Variants in GULP1 observed in about 807,000 individuals in gnomAD.
The protein encoded by GULP1 is GULP PTB domain containing engulfment adaptor 1, also known as PTB domain-containing engulfment adapter protein 1.
GULP1 carries 19 observed loss-of-function variants against 40.9 expected under a neutral mutation model. That is an observed-to-expected ratio of 0.46 (90% CI 0.32 to 0.68). GULP1 has a LOEUF of 0.68. Ranked by LOEUF, GULP1 falls within the 30% of genes least tolerant of loss-of-function variation. GULP1 has a pLI of 0.03. For synonymous variants in GULP1, 119 were observed against 117.6 expected (o/e 1.01, Z -0.08); for missense variants, 312 against 362.2 (o/e 0.86, Z 1.12).
chr2:188,571,350 A>T (rs1020638291), intron 9 of GULP1, among the ~76,000 whole-genome samples: 1 of 152,128 alleles, frequency 6.6e-6, no homozygotes, highest in African/African-American at 2.4e-5. Flanking sequence ...TAGAAGTTTC[A>T]TTTAGGGTTT....
chr2:188,321,427 A>G (rs2039963540), intron 1 of GULP1, among the ~76,000 whole-genome samples: 1 of 152,140 alleles, frequency 6.6e-6, no homozygotes, highest in Admixed American at 6.6e-5. Flanking sequence ...TACTGAGTCT[A>G]ATACAATAGA....
chr2:188,310,572 T>C (rs2037917729), intron 1 of GULP1, among the ~76,000 whole-genome samples: 2 of 152,182 alleles, frequency 1.3e-5, no homozygotes. Context: ...AGAATTCTTC[T>C]TTGTATTTTT....
intron 5 of GULP1, among the ~76,000 whole-genome samples, chr2:188,523,557 CTT>C (rs10707119): frequency 7.0e-4 from 106 of 150,932 alleles, no homozygotes; most frequent in African/African-American, 1.3e-3. Flanking sequence ...ATTATCACTA[CTT>C]TTTTTTTTTA....
intron 2 of GULP1, among the ~76,000 whole-genome samples, chr2:188,430,184 AAC>A (rs1215187991): frequency 5.9e-5 from 9 of 152,360 alleles, no homozygotes; most frequent in East Asian, 3.9e-4. Context: ...ATTGTAAAAT[AAC>A]AGTTATTCAT....
At chr2:188,367,136 GT>G (rs1489569525) in intron 1 of GULP1, among the ~76,000 whole-genome samples, 2 of 152,152 alleles carry the variant, frequency 1.3e-5, no homozygotes, top group African/African-American at 4.8e-5. Context: ...TCTTGTTCAT[GT>G]TGTTTCACTA....
intron 4 of GULP1, among the ~76,000 whole-genome samples, chr2:188,519,922 G>A (rs1333738032): frequency 1.3e-5 from 2 of 152,094 alleles, no homozygotes; most frequent in Non-Finnish European, 1.5e-5. Context: ...GAAACTACAG[G>A]TTGCATATTA....
chr2:188,472,440 T>C (rs2060666190), intron 2 of GULP1, among the ~76,000 whole-genome samples: 1 of 152,166 alleles, frequency 6.6e-6, no homozygotes, highest in Non-Finnish European at 1.5e-5. Flanking sequence ...ATTTTCTAGA[T>C]TCGGCAGGCA....
chr2:188,482,925 T>C (rs1490915135), intron 3 of GULP1, among the ~76,000 whole-genome samples: 2 of 151,832 alleles, frequency 1.3e-5, no homozygotes, highest in African/African-American at 4.8e-5. Context: ...CACAGTAAGT[T>C]GGTTAATTTC....
chr2:188,350,989 A>T (rs2044372243), intron 1 of GULP1, among the ~76,000 whole-genome samples: 1 of 152,112 alleles, frequency 6.6e-6, no homozygotes, highest in Non-Finnish European at 1.5e-5. Flanking sequence ...AGTACTGAAT[A>T]CAAATTTGGT....
chr2:188,562,865 A>G (rs2153415807), intron 7 of GULP1, among the ~76,000 whole-genome samples: 1 of 152,310 alleles, frequency 6.6e-6, no homozygotes, highest in South Asian at 2.1e-4. Context: ...ATGGAACTAA[A>G]TATTTGGCCC....
intron 1 of GULP1, among the ~76,000 whole-genome samples, chr2:188,328,471 G>A (rs1021752039): frequency 6.6e-6 from 1 of 151,996 alleles, no homozygotes; most frequent in Non-Finnish European, 1.5e-5. Flanking sequence ...ATTTTGCCTC[G>A]CCAACTGAGG....
chr2:188,528,748 A>G (rs1157749470), intron 5 of GULP1, among the ~76,000 whole-genome samples: 1 of 152,172 alleles, frequency 6.6e-6, no homozygotes, highest in African/African-American at 2.4e-5. Flanking sequence ...CTCTGAAGAT[A>G]ATAACAACAA....
At chr2:188,321,111 C>T (rs181899781) in intron 1 of GULP1, among the ~76,000 whole-genome samples, 67 of 152,194 alleles carry the variant, frequency 4.4e-4, no homozygotes, top group African/African-American at 1.5e-3. Flanking sequence ...AAAGAATTAC[C>T]TATTTCAAGC....
chr2:188,527,020 A>G (rs192855241), intron 5 of GULP1, among the ~76,000 whole-genome samples: 2 of 151,990 alleles, frequency 1.3e-5, no homozygotes, highest in African/African-American at 2.4e-5. Flanking sequence ...GCTTATTTTT[A>G]TTTTTCTTTA....
At chr2:188,532,174 T>A (rs983066658) in intron 6 of GULP1, among the ~76,000 whole-genome samples, 20 of 152,260 alleles carry the variant, frequency 1.3e-4, no homozygotes, top group African/African-American at 4.6e-4. Context: ...TAAACTCTAA[T>A]AATTTCACTA....
At chr2:188,394,069 C>A (rs1218134922) in intron 2 of GULP1, among the ~76,000 whole-genome samples, 2 of 152,156 alleles carry the variant, frequency 1.3e-5, no homozygotes, top group African/African-American at 4.8e-5. Context: ...ATATCTAAAT[C>A]TCTGGCAAGG....
intron 1 of GULP1, among the ~76,000 whole-genome samples, chr2:188,298,580 G>A (rs2035491760): frequency 6.6e-6 from 1 of 152,028 alleles, no homozygotes; most frequent in African/African-American, 2.4e-5. Flanking sequence ...CTGTTTTAAT[G>A]CATCACCATG....
intron 4 of GULP1, among the ~76,000 whole-genome samples, chr2:188,500,145 C>T (rs1448490019): frequency 6.6e-6 from 1 of 151,852 alleles, no homozygotes; most frequent in Non-Finnish European, 1.5e-5. Context: ...TAGGATGAAT[C>T]AGTGTGTCTT....
intron 1 of GULP1, among the ~76,000 whole-genome samples, chr2:188,315,848 C>T (rs2038992483): frequency 6.6e-6 from 1 of 152,030 alleles, no homozygotes; most frequent in African/African-American, 2.4e-5. Flanking sequence ...AATGCTCCCT[C>T]TCTCGGTCTC....
Sources: allele counts gnomAD v4.1 joint callset (sites outside exome capture counted in the v4.1 genomes callset), GRCh38; gene constraint gnomAD v4.1.1; transcripts MANE v1.5; gene names NCBI Gene and HGNC (gene_info 2026-07-23, HGNC 2026-07-21).